Variants in PPP3R1 observed in about 807,000 individuals in gnomAD.
PPP3R1 encodes protein phosphatase 3 regulatory subunit B, alpha, also known as calcineurin subunit B type 1.
Under a neutral mutation model 22.6 loss-of-function variants are expected in PPP3R1, and 5 were observed. The ratio of observed to expected loss-of-function variants is 0.22; its 90% confidence interval spans 0.12 to 0.46. The LOEUF is 0.46. PPP3R1 is among the 20% of genes least tolerant of loss of function. The pLI is 0.99. For synonymous variants in PPP3R1, 56 were observed against 65.2 expected, an observed-to-expected ratio of 0.86 and a Z score of 0.68; for missense variants, 61 against 203.2, an observed-to-expected ratio of 0.30 and a Z score of 4.25.
At chr2:68,225,957 C>T (rs565543916) in intron 1 of PPP3R1, among the ~76,000 whole-genome samples, 1 of 152,272 alleles carries the variant, frequency 6.6e-6, no homozygotes, top group African/African-American at 2.4e-5. Flanking sequence ...AACTGGTGAA[C>T]AGATAAACTG....
At chr2:68,218,251 T>C (rs573902812) in intron 1 of PPP3R1, among the ~76,000 whole-genome samples, 1 of 152,206 alleles carries the variant, frequency 6.6e-6, no homozygotes, top group South Asian at 2.1e-4. Context: ...AAAACCTGAA[T>C]TCTTTTTTTT....
chr2:68,185,217 C>CAA (rs1305057114), intron 5 of PPP3R1, among the ~76,000 whole-genome samples: 49 of 70,428 alleles, frequency 7.0e-4, no homozygotes, highest in African/African-American at 1.9e-3. Context: ...GACTCCGTTT[C>CAA]AAAAAAAAAA....
chr2:68,180,875 T>C lies in PPP3R1; in HGVS notation c.*88A>G. 7.5e-7 allele frequency: 1 copy of C among 1,326,852 alleles called. No homozygotes were observed. 82.2% of individuals were successfully genotyped at this position (1,326,852 alleles called of 1,614,324 possible). ...ACAGAGAAAAATACTTCCATTTAAA[T>C]ACACAGAGAGCATTGCTGGACGTCT... On this transcript the variant is annotated 3_prime_UTR_variant, in exon 6 of 6. Transcript: ENST00000234310.
intron 1 of PPP3R1, among the ~76,000 whole-genome samples, chr2:68,239,877 T>G (rs1000721096): frequency 6.6e-6 from 1 of 152,226 alleles, no homozygotes; most frequent in African/African-American, 2.4e-5. Flanking sequence ...AGTACACAGA[T>G]GGTCGCTAAC....
intron 1 of PPP3R1, 133 bp downstream of exon 1, chr2:68,251,992 A>T: frequency 1.1e-6 from 1 of 908,522 alleles, no homozygotes. Flanking sequence ...CCGCCGCGGG[A>T]CCCGCCGGGC....
At chr2:68,229,089 C>G (rs998588330) in intron 1 of PPP3R1, among the ~76,000 whole-genome samples, 1 of 152,124 alleles carries the variant, frequency 6.6e-6, no homozygotes, top group Non-Finnish European at 1.5e-5. Context: ...CATGACATGG[C>G]TCACTGCAGC....
chr2:68,193,796 G>A (rs1674715021), intron 2 of PPP3R1, among the ~76,000 whole-genome samples: 1 of 152,084 alleles, frequency 6.6e-6, no homozygotes, highest in Non-Finnish European at 1.5e-5. Context: ...AACCCATCTT[G>A]TTAGCACCAT....
chr2:68,250,597 C>T (rs1670328781), intron 1 of PPP3R1, among the ~76,000 whole-genome samples: 1 of 152,146 alleles, frequency 6.6e-6, no homozygotes, highest in Admixed American at 6.5e-5. Context: ...AAGACTATGC[C>T]AACAAAAAGA....
At chr2:68,247,680 T>C (rs1201346369) in intron 1 of PPP3R1, among the ~76,000 whole-genome samples, 2 of 152,196 alleles carry the variant, frequency 1.3e-5, no homozygotes, top group Non-Finnish European at 2.9e-5. Context: ...CTTAACCAAG[T>C]AGGTGCTCAA....
chr2:68,186,014 A>C (rs1478652439), intron 5 of PPP3R1, among the ~76,000 whole-genome samples: 1 of 152,240 alleles, frequency 6.6e-6, no homozygotes, highest in Non-Finnish European at 1.5e-5. Context: ...TTTCTATGGA[A>C]GCATCCAATC....
intron 1 of PPP3R1, among the ~76,000 whole-genome samples, chr2:68,219,408 G>T (rs1264789274): frequency 6.6e-6 from 1 of 152,138 alleles, no homozygotes; most frequent in Non-Finnish European, 1.5e-5. Flanking sequence ...CAGGAGTTTT[G>T]GAGATTCCCC....
At chr2:68,186,864 A>G (rs1219058190) in intron 4 of PPP3R1, among the ~76,000 whole-genome samples, 1 of 152,252 alleles carries the variant, frequency 6.6e-6, no homozygotes, top group African/African-American at 2.4e-5. Context: ...GGTGGAGCTT[A>G]GAGTAGGTTA....
intron 5 of PPP3R1, among the ~76,000 whole-genome samples, chr2:68,181,594 C>CTT (rs35684152): frequency 0.075 from 10,353 of 137,664 alleles, 1,167 homozygotes; most frequent in African/African-American, 0.24. Flanking sequence ...TCACATTTTC[C>CTT]TTTTTTTTTT....
rs1322381430 is a variant in PPP3R1, at chr2:68,188,567, T to C, written c.167A>G (p.Gln56Arg). Reference protein sequence around the residue: ...LPELQQNPLVQRVIDIFDTDG... With the variant: ...LPELQQNPLVRRVIDIFDTDG... ...TGTGTCGAATATATCTATTACTCGCTGTACTAAAGGATTCTGTTGTAACTC... is the reference window on the plus strand; with the variant it reads ...TGTGTCGAATATATCTATTACTCGCCGTACTAAAGGATTCTGTTGTAACTC... The change falls in exon 3 of 6, where the codon CAG becomes CGG. Residue 56 changes from glutamine to arginine, a missense_variant. Transcript: ENST00000234310. 6.2e-7 allele frequency: 1 copy of C among 1,613,022 alleles called. No individual in the cohort carries two copies. Among genetic ancestry groups the C allele is most frequent in the South Asian group, 1.1e-5 (1 of 90,954 alleles).
At chr2:68,194,679 G>A (rs1315764336) in intron 2 of PPP3R1, among the ~76,000 whole-genome samples, 2 of 152,044 alleles carry the variant, frequency 1.3e-5, no homozygotes, top group East Asian at 1.9e-4. Context: ...CAACTGTTGG[G>A]ATTAAAAGTA....
At chr2:68,247,115 C>T (rs1572980779) in intron 1 of PPP3R1, among the ~76,000 whole-genome samples, 2 of 148,730 alleles carry the variant, frequency 1.3e-5, no homozygotes, top group African/African-American at 4.8e-5. Flanking sequence ...GCCACTGTGC[C>T]CGCCTAATTT....
chr2:68,247,936 C>A (rs6546364), intron 1 of PPP3R1, among the ~76,000 whole-genome samples: 113,238 of 152,058 alleles, frequency 0.74, 43,201 homozygotes, highest in African/African-American at 0.93. Flanking sequence ...TATTATCCAC[C>A]CGGCCATCAG....
chr2:68,213,095 A>G (rs1349731304), intron 2 of PPP3R1, among the ~76,000 whole-genome samples: 1 of 152,240 alleles, frequency 6.6e-6, no homozygotes, highest in East Asian at 1.9e-4. Context: ...AAATTTACCC[A>G]TATAAGCAAT....
chr2:68,238,646 T>A (rs972030404), intron 1 of PPP3R1, among the ~76,000 whole-genome samples: 4 of 152,132 alleles, frequency 2.6e-5, no homozygotes, highest in African/African-American at 9.7e-5. Context: ...TGGCAATAGG[T>A]AAGGCAGAAT....
Sources: allele counts gnomAD v4.1 joint callset (sites outside exome capture counted in the v4.1 genomes callset), GRCh38; gene constraint gnomAD v4.1.1; transcripts MANE v1.5; gene names NCBI Gene and HGNC (gene_info 2026-07-23, HGNC 2026-07-21).